The following GUCY1A2 variants were observed in gnomAD, a reference collection of about 807,000 sequenced individuals.
GUCY1A2 encodes the protein guanylate cyclase soluble subunit alpha-2.
A neutral mutation model predicts 63.5 loss-of-function variants in GUCY1A2; 27 were observed. The ratio of observed to expected loss-of-function variants is 0.43; its 90% CI spans 0.31 to 0.59. The LOEUF (loss-of-function observed/expected upper bound fraction) is 0.59, where lower values mean the gene tolerates loss of function less well. Among genes scored for constraint, GUCY1A2 ranks in the 20% least tolerant of loss-of-function variants. The probability of loss-of-function intolerance (pLI) is 0.11; values close to 1 mark genes in which losing one functional copy is unlikely to be tolerated. For missense variants in GUCY1A2, 768 were observed against 913.3 expected, an observed-to-expected ratio of 0.84 and a Z score of 2.05; for synonymous variants, 364 against 343.5, an observed-to-expected ratio of 1.06 and a Z score of -0.66.
chr11:107,017,873 C>G lies in GUCY1A2; in HGVS notation c.183G>C (p.Pro61=). Residue 61 remains proline (P), a synonymous_variant, in exon 1 of 8, where the codon CCG becomes CCC. Coordinates refer to ENST00000526355, the MANE Select transcript of GUCY1A2 (RefSeq NM_000855.3). ...CGGCGGCGGCAGAAGCAGCCGGGGT[C>G]GGGGCCGGGGCGGCGGCAGCGGCAG... is the stretch of plus-strand genomic sequence containing the variant. ...AAAAAAAAPA[P]TPAASAAAAA... 1 of 1,247,968 alleles carries G rather than the reference C, an allele frequency of 8.0e-7. No homozygotes were observed. The highest frequency in any genetic ancestry group is 1.0e-6 in the Non-Finnish European group (1 of 994,152). The allele number at this position is 1,247,968 out of a possible 1,614,324, so 77.3% of individuals were successfully genotyped here.
intron 5 of GUCY1A2, among the ~76,000 whole-genome samples, chr11:106,777,360 T>A (rs1864375684): frequency 6.7e-6 from 1 of 148,764 alleles, no homozygotes. Context: ...GGCAGGAGAA[T>A]CGCTTGAACC....
chr11:106,872,157 T>G (rs1340361469), intron 4 of GUCY1A2, among the ~76,000 whole-genome samples: 1 of 152,104 alleles, frequency 6.6e-6, no homozygotes, highest in African/African-American at 2.4e-5. Context: ...TTAACTATAA[T>G]TAAATTGAAC....
chr11:106,764,596 A>G (rs1864125395), intron 6 of GUCY1A2, among the ~76,000 whole-genome samples: 1 of 152,128 alleles, frequency 6.6e-6, no homozygotes, highest in African/African-American at 2.4e-5. Flanking sequence ...TGCCTAAAAT[A>G]TACACATACA....
intron 1 of GUCY1A2, among the ~76,000 whole-genome samples, chr11:107,002,388 GGTGTGT>G (rs71044205): frequency 1.3e-5 from 2 of 149,032 alleles, no homozygotes; most frequent in Admixed American, 6.7e-5. Context: ...AATAAGAACA[GGTGTGT>G]GTGTGTGTGT....
intron 2 of GUCY1A2, among the ~76,000 whole-genome samples, chr11:106,979,668 A>T (rs1861309832): frequency 6.6e-6 from 1 of 152,082 alleles, no homozygotes; most frequent in African/African-American, 2.4e-5. Flanking sequence ...GTAACTGGAT[A>T]TTGGCTGGGA....
At chr11:106,818,780 A>G (rs999692779) in intron 4 of GUCY1A2, among the ~76,000 whole-genome samples, 35 of 152,146 alleles carry the variant, frequency 2.3e-4, no homozygotes, top group African/African-American at 7.2e-4. Context: ...TAAGAAACTA[A>G]AACAGTATTA....
chr11:106,849,518 T>C (rs1859322657), intron 4 of GUCY1A2, among the ~76,000 whole-genome samples: 3 of 151,614 alleles, frequency 2.0e-5, no homozygotes, highest in South Asian at 2.1e-4. Context: ...GTTATTTTGG[T>C]AAATATATTT....
chr11:106,751,120 G>T (rs1215492120), intron 6 of GUCY1A2, among the ~76,000 whole-genome samples: 1 of 152,022 alleles, frequency 6.6e-6, no homozygotes, highest in Non-Finnish European at 1.5e-5. Context: ...TAGCCCAACT[G>T]TTGGTGCAGT....
intron 4 of GUCY1A2, among the ~76,000 whole-genome samples, chr11:106,894,536 A>G (rs977412357): frequency 6.6e-6 from 1 of 152,164 alleles, no homozygotes; most frequent in Non-Finnish European, 1.5e-5. Flanking sequence ...ACCAAGCTAA[A>G]CCACAATCTG....
chr11:106,730,557 A>T (rs1274310682), intron 6 of GUCY1A2, among the ~76,000 whole-genome samples: 1 of 152,088 alleles, frequency 6.6e-6, no homozygotes, highest in East Asian at 1.9e-4. Context: ...CGCTATTCTG[A>T]ATAGTGCTGC....
In GUCY1A2 at chr11:107,017,997, TC is replaced by T; in HGVS notation, c.58del (p.Glu20ArgfsTer78). 1 of 1,465,936 alleles carries T rather than the reference TC, an allele frequency of 6.8e-7. No homozygotes were observed. The allele number at this position is 1,465,936 out of a possible 1,614,324, so 90.8% of individuals were successfully genotyped here. A position where few individuals can be genotyped will look rare whatever the true frequency, so the allele number is the denominator to read the frequency against. On this transcript the variant is annotated frameshift_variant, in exon 1 of 8. Transcript: ENST00000526355. LOFTEE classifies it high-confidence loss of function. The part of the protein sequence containing the change: ...SFSSLGSDYL[E>X]TSPEEEGECP... Reference sequence around the variant, plus strand: ...CTCCCCCTCCTCCTCCGGGCTGGTCTCCAGGTAGTCGGAGCCCAGGGAGCTG... The same window carrying T: ...CTCCCCCTCCTCCTCCGGGCTGGTCTCAGGTAGTCGGAGCCCAGGGAGCTG...
chr11:106,959,848 T>C (rs1211379512), intron 3 of GUCY1A2, among the ~76,000 whole-genome samples: 1 of 152,222 alleles, frequency 6.6e-6, no homozygotes, highest in South Asian at 2.1e-4. Context: ...CTACCTTTCA[T>C]GAGAATGACC....
At chr11:106,924,124 A>C (rs575512036) in intron 4 of GUCY1A2, among the ~76,000 whole-genome samples, 1 of 152,340 alleles carries the variant, frequency 6.6e-6, no homozygotes. Flanking sequence ...ATGTTTTGTC[A>C]TAACATTTTT....
intron 4 of GUCY1A2, among the ~76,000 whole-genome samples, chr11:106,913,375 T>C (rs1860322652): frequency 6.6e-6 from 1 of 152,132 alleles, no homozygotes; most frequent in Non-Finnish European, 1.5e-5. Context: ...AGAACTGCCA[T>C]GTGCAGTGAT....
At chr11:106,917,792 G>T (rs1463597746) in intron 4 of GUCY1A2, among the ~76,000 whole-genome samples, 1 of 95,202 alleles carries the variant, frequency 1.1e-5, no homozygotes, top group African/African-American at 3.5e-5. Context: ...GGGGCCTGTT[G>T]TGGGGTGGGG....
At position 106,833,388 on chromosome 11, in the gene GUCY1A2, C is replaced by T. The variant is rs547491545; in HGVS notation, c.1207-22910G>A. Among the ~76,000 whole-genome samples the T allele has an allele frequency of 4.6e-5, 7 of 152,124 alleles. No homozygotes were observed. In the East Asian group the frequency reaches 7.8e-4, roughly 17 times the overall value. ...TGTTCACTAGATTATGGGAGTGGTC[C>T]GCCTGTGATCTAACAGTCCACAGAA... On this transcript the variant is annotated intron_variant, in intron 4 of 7. Transcript: ENST00000526355.
intron 4 of GUCY1A2, among the ~76,000 whole-genome samples, chr11:106,925,260 A>G (rs1016172700): frequency 2.6e-5 from 4 of 152,182 alleles, no homozygotes; most frequent in Non-Finnish European, 5.9e-5. Flanking sequence ...AAGAAAAATC[A>G]TATTACTTTT....
intron 4 of GUCY1A2, among the ~76,000 whole-genome samples, chr11:106,833,962 A>G (rs1472200811): frequency 3.3e-5 from 5 of 152,016 alleles, no homozygotes; most frequent in Non-Finnish European, 7.4e-5. Flanking sequence ...AAAATTTTAT[A>G]TATTCAATGT....
chr11:106,935,614 T>C (rs1860665261), intron 4 of GUCY1A2, among the ~76,000 whole-genome samples: 1 of 152,002 alleles, frequency 6.6e-6, no homozygotes, highest in Non-Finnish European at 1.5e-5. Flanking sequence ...CCAAGGTGGG[T>C]GGATCACCTG....
Sources: allele counts gnomAD v4.1 joint callset (sites outside exome capture counted in the v4.1 genomes callset), GRCh38; gene constraint gnomAD v4.1.1; transcripts MANE v1.5; gene names NCBI Gene and HGNC (gene_info 2026-07-23, HGNC 2026-07-21).